XKR9: variants seen among roughly 807,000 people sequenced by gnomAD.
XKR9 encodes XK related 9, also known as XK-related protein 9.
In XKR9, 32 loss-of-function variants were observed where a neutral mutation model predicts 32.0. The ratio of observed to expected loss-of-function variants is 1.00; its 90% CI spans 0.76 to 1.34. The LOEUF (loss-of-function observed/expected upper bound fraction) is 1.34, where lower values mean the gene tolerates loss of function less well. Ranked by LOEUF, XKR9 falls within the 40% of genes most tolerant of loss-of-function variation. XKR9 has a pLI of 0.00. For synonymous variants in XKR9, 168 were observed against 143.4 expected (o/e 1.17, Z -1.22); for missense variants, 546 against 429.7 (o/e 1.27, Z -2.39).
chr8:70,863,720 G>C, the XKR9 span, among the ~76,000 whole-genome samples: 6 of 152,186 alleles, frequency 3.9e-5, no homozygotes, highest in Admixed American at 6.6e-5. Context: ...GAAGATGATA[G>C]AAGCATGTAC....
intron 4 of XKR9, among the ~76,000 whole-genome samples, chr8:70,730,204 A>G (rs964952964): frequency 6.6e-6 from 1 of 152,160 alleles, no homozygotes; most frequent in Non-Finnish European, 1.5e-5. Flanking sequence ...AACCCCTTTC[A>G]TTATCTTTTA....
chr8:70,811,537 C>G, the XKR9 span, among the ~76,000 whole-genome samples: 1 of 152,028 alleles, frequency 6.6e-6, no homozygotes, highest in African/African-American at 2.4e-5. Context: ...AATTGATAGA[C>G]TGGTAGCAAG....
chr8:70,826,580 ACTTCCTT>A, the XKR9 span, among the ~76,000 whole-genome samples: 4 of 152,148 alleles, frequency 2.6e-5, no homozygotes, highest in African/African-American at 9.7e-5. Context: ...GATTTATGTT[ACTTCCTT>A]TAAGAATTGT....
the XKR9 span, among the ~76,000 whole-genome samples, chr8:71,004,998 C>CTTT: frequency 3.1e-4 from 15 of 48,232 alleles, no homozygotes; most frequent in East Asian, 1.1e-3. Flanking sequence ...TTAATCTATG[C>CTTT]TTTTTTTTTT....
intron 2 of XKR9, among the ~76,000 whole-genome samples, chr8:70,767,496 C>CTTTTCTTT (rs1807394169): frequency 1.0e-5 from 1 of 99,348 alleles, no homozygotes; most frequent in Non-Finnish European, 1.9e-5. Context: ...TCTTTTCCTT[C>CTTTTCTTT]TTTTTTTTTT....
At chr8:70,688,125 C>T (rs1212132014) in intron 3 of XKR9, among the ~76,000 whole-genome samples, 3 of 152,280 alleles carry the variant, frequency 2.0e-5, no homozygotes, top group Non-Finnish European at 4.4e-5. Context: ...CCTACCATGG[C>T]ACATGATCTA....
At chr8:70,856,314 C>G in the XKR9 span, among the ~76,000 whole-genome samples, 1 of 152,058 alleles carries the variant, frequency 6.6e-6, no homozygotes, top group South Asian at 2.1e-4. Flanking sequence ...CAAAATAAAG[C>G]AGCGTTGCAA....
the XKR9 span, among the ~76,000 whole-genome samples, chr8:71,015,537 T>G: frequency 2.0e-5 from 3 of 152,188 alleles, no homozygotes; most frequent in African/African-American, 7.2e-5. Flanking sequence ...TCATCTGTAT[T>G]GTGCTTTCTG....
the XKR9 span, among the ~76,000 whole-genome samples, chr8:70,989,170 G>C: frequency 6.6e-6 from 1 of 152,136 alleles, no homozygotes; most frequent in Non-Finnish European, 1.5e-5. Context: ...CTACTAGGCA[G>C]GATTGAGATC....
intron 2 of XKR9, among the ~76,000 whole-genome samples, chr8:70,782,159 C>A (rs1448054192): frequency 6.6e-6 from 1 of 152,158 alleles, no homozygotes; most frequent in Non-Finnish European, 1.5e-5. Flanking sequence ...TGAAGCAGCA[C>A]AGCTGCTATC....
the XKR9 span, among the ~76,000 whole-genome samples, chr8:70,895,534 A>C: frequency 6.6e-6 from 1 of 152,198 alleles, no homozygotes; most frequent in Admixed American, 6.5e-5. Flanking sequence ...GATTCAGATT[A>C]CTTTGAATGT....
At chr8:70,707,944 G>C (rs1805777228) in intron 4 of XKR9, among the ~76,000 whole-genome samples, 1 of 151,910 alleles carries the variant, frequency 6.6e-6, no homozygotes, top group South Asian at 2.1e-4. Context: ...TTAATGACTA[G>C]GGTTCCATTT....
the XKR9 span, among the ~76,000 whole-genome samples, chr8:70,806,678 A>G: frequency 1.3e-5 from 2 of 152,182 alleles, no homozygotes; most frequent in South Asian, 4.1e-4. Context: ...GAGTTTGAAG[A>G]CCACCTTGCT....
the XKR9 span, among the ~76,000 whole-genome samples, chr8:70,951,627 G>A: frequency 4.6e-5 from 7 of 152,254 alleles, no homozygotes; most frequent in African/African-American, 1.4e-4. Flanking sequence ...TTGGAAGAGA[G>A]AGGAGTACCA....
At chr8:70,756,907 T>A (rs1487830131) in intron 2 of XKR9, among the ~76,000 whole-genome samples, 1 of 152,190 alleles carries the variant, frequency 6.6e-6, no homozygotes, top group Non-Finnish European at 1.5e-5. Context: ...AGGGTGGACA[T>A]CCCTGTCTTG....
At chr8:70,940,976 TAGTGA>T in the XKR9 span, among the ~76,000 whole-genome samples, 2 of 152,100 alleles carry the variant, frequency 1.3e-5, no homozygotes, top group African/African-American at 2.4e-5. Context: ...ATTATTATTT[TAGTGA>T]AGTGAAGTCC....
chr8:70,979,242 C>A, the XKR9 span, among the ~76,000 whole-genome samples: 8 of 152,322 alleles, frequency 5.3e-5, no homozygotes, highest in African/African-American at 1.9e-4. Flanking sequence ...CTTCTGTCAA[C>A]TCGTCAAAAT....
intron 2 of XKR9, among the ~76,000 whole-genome samples, chr8:70,782,500 T>A (rs1050977135): frequency 1.9e-4 from 29 of 151,952 alleles, no homozygotes; most frequent in African/African-American, 6.0e-4. Context: ...AAAAATTCCT[T>A]CTGAGATTTT....
the XKR9 span, among the ~76,000 whole-genome samples, chr8:70,841,991 C>G: frequency 6.6e-6 from 1 of 152,150 alleles, no homozygotes; most frequent in Non-Finnish European, 1.5e-5. Context: ...ATGTTTCGTG[C>G]TTGAATTAAT....
Sources: allele counts gnomAD v4.1 joint callset (sites outside exome capture counted in the v4.1 genomes callset), GRCh38; gene constraint gnomAD v4.1.1; transcripts MANE v1.5; gene names NCBI Gene and HGNC (gene_info 2026-07-23, HGNC 2026-07-21).